The following MTTP variants were observed in gnomAD, a reference collection of about 807,000 sequenced individuals.
MTTP encodes the protein microsomal triglyceride transfer protein.
A neutral mutation model predicts 90.6 loss-of-function variants in MTTP; 49 were observed. The ratio of observed to expected loss-of-function variants is 0.54; its 90% CI spans 0.43 to 0.69. The LOEUF is 0.69. Ranked by LOEUF, MTTP falls within the 30% of genes least tolerant of loss-of-function variation. The pLI, the probability that MTTP is intolerant of heterozygous loss-of-function variation, is 0.00. For synonymous variants in MTTP, 347 were observed against 384.2 expected (o/e 0.90, Z 1.13); for missense variants, 945 against 1,067.5 (o/e 0.89, Z 1.60).
intron 15 of MTTP, among the ~76,000 whole-genome samples, chr4:99,615,997 T>TC (rs1726089943): frequency 6.6e-6 from 1 of 151,138 alleles, no homozygotes; most frequent in Non-Finnish European, 1.5e-5. Context: ...TCTCTCTCTC[T>TC]TTTTTTTTCC....
chr4:99,600,571 G>A lies in MTTP; in HGVS notation c.1074G>A (p.Gln358=). The change falls in exon 9 of 18, where the codon CAG becomes CAA. Residue 358 remains glutamine (Q), a synonymous_variant. Transcript: ENST00000265517. The part of the protein sequence containing the change: ...LKMENKEVLP[Q]LVDAVTSAQT... ...ATTATGCCTTTTTTTATAGACCTCA[G>A]CTGGTGGATGCTGTCACCTCTGCTC... The A allele has an allele frequency of 1.2e-6, 2 of 1,613,508 alleles. No individual in the cohort carries two copies. Among genetic ancestry groups the A allele is most frequent in the Non-Finnish European group, 1.7e-6 (2 of 1,179,628 alleles).
chr4:99,575,570 A>G (rs1172600059), intron 1 of MTTP, among the ~76,000 whole-genome samples: 6 of 152,232 alleles, frequency 3.9e-5, no homozygotes, highest in Non-Finnish European at 8.8e-5. Flanking sequence ...TCTTTGGAAA[A>G]ATAATGTTGC....
chr4:99,617,511 T>A (rs1369173117), intron 15 of MTTP, among the ~76,000 whole-genome samples: 1 of 152,162 alleles, frequency 6.6e-6, no homozygotes, highest in Non-Finnish European at 1.5e-5. Flanking sequence ...AATGCATGGC[T>A]TGTTTGGTCT....
At chr4:99,609,811 G>A (rs954076159) in intron 12 of MTTP, among the ~76,000 whole-genome samples, 1 of 152,198 alleles carries the variant, frequency 6.6e-6, no homozygotes, top group Non-Finnish European at 1.5e-5. Flanking sequence ...GAGCAATGGA[G>A]CAAGTGAGTG....
chr4:99,572,015 T>G (rs534808554), upstream of MTTP, among the ~76,000 whole-genome samples: 1 of 151,978 alleles, frequency 6.6e-6, no homozygotes, highest in African/African-American at 2.4e-5. Context: ...GTAATACATT[T>G]CCTTCCAACC....
intron 8 of MTTP, among the ~76,000 whole-genome samples, chr4:99,598,002 TAC>T (rs367751335): frequency 6.0e-5 from 9 of 150,946 alleles, no homozygotes; most frequent in Non-Finnish European, 7.4e-5. Context: ...TTAGCCAAGT[TAC>T]ACACACACAC....
At chr4:99,594,666 G>T in intron 6 of MTTP, 67 bp from the exon 7 acceptor site, 2 of 1,573,344 alleles carry the variant, frequency 1.3e-6, no homozygotes, top group East Asian at 2.2e-5. Flanking sequence ...CCAAAAGAAT[G>T]GCAATTAGTA....
chr4:99,592,998 G>A (rs1421064049), intron 6 of MTTP, among the ~76,000 whole-genome samples: 1 of 152,044 alleles, frequency 6.6e-6, no homozygotes, highest in Non-Finnish European at 1.5e-5. Context: ...TGTGATGATA[G>A]GACAGCTATG....
Position 99,611,438 on chromosome 4 carries a change from T to C in MTTP, c.1974T>C (p.Gly658=). ...LNIFQYIGKA[G]LHGSQVVIEA... ...TCTTTCAGTACATTGGGAAGGCTGG[T>C]CTTCACGGTAGCCAGGTAACTCACT... The change falls in exon 14 of 18, where the codon GGT becomes GGC. Residue 658 remains glycine, a synonymous_variant. Coordinates refer to ENST00000265517, the MANE Select transcript of MTTP (RefSeq NM_001386140.1). 6.2e-7 allele frequency: 1 copy of C among 1,614,090 alleles called. No individual in the cohort carries two copies. The highest frequency in any genetic ancestry group is 8.5e-7 in the Non-Finnish European group (1 of 1,179,938).
upstream of MTTP, among the ~76,000 whole-genome samples, chr4:99,573,644 G>T (rs561255567): frequency 7.2e-5 from 11 of 152,168 alleles, no homozygotes; most frequent in East Asian, 2.1e-3. Flanking sequence ...ATTTTAAATT[G>T]CATTGTGTCT....
intron 7 of MTTP, among the ~76,000 whole-genome samples, chr4:99,596,716 G>A (rs1348076483): frequency 6.6e-6 from 1 of 152,146 alleles, no homozygotes; most frequent in Non-Finnish European, 1.5e-5. Context: ...TTAAAGTTCT[G>A]CACAATTTAA....
chr4:99,622,214 GACC>G (rs1410492954), intron 17 of MTTP, among the ~76,000 whole-genome samples: 2 of 152,122 alleles, frequency 1.3e-5, no homozygotes, highest in East Asian at 3.9e-4. Flanking sequence ...GAAATGCAGT[GACC>G]ACCAACCCAC....
At chr4:99,601,877 AT>A (rs1403076579) in intron 10 of MTTP, among the ~76,000 whole-genome samples, 163 bp downstream of exon 10, 3 of 152,048 alleles carry the variant, frequency 2.0e-5, no homozygotes, top group African/African-American at 7.2e-5. Flanking sequence ...AAATTCAGTC[AT>A]TTATTATGTT....
At chr4:99,577,619 A>AG (rs1725000125) in intron 1 of MTTP, among the ~76,000 whole-genome samples, 1 of 135,108 alleles carries the variant, frequency 7.4e-6, no homozygotes, top group Admixed American at 7.4e-5. Flanking sequence ...AAAAAAAAAA[A>AG]AAAGAAAGAA....
chr4:99,606,633 T>C (rs1468564744), intron 10 of MTTP, 115 bp from the exon 11 acceptor site: 1 of 1,008,644 alleles, frequency 9.9e-7, no homozygotes, highest in Non-Finnish European at 1.6e-6. Flanking sequence ...AAGCAACCAA[T>C]GCAAAACTTT....
chr4:99,565,879 AGCTGTGGATAGAAT>A (rs1724679227), intron 1 of MTTP, among the ~76,000 whole-genome samples: 1 of 152,224 alleles, frequency 6.6e-6, no homozygotes, highest in Non-Finnish European at 1.5e-5. Context: ...ATGACTGAAA[AGCTGTGGATAGAAT>A]GAGGAAGAAG....
At chr4:99,609,623 C>T (rs746903276) in intron 12 of MTTP, among the ~76,000 whole-genome samples, 1 of 151,356 alleles carries the variant, frequency 6.6e-6, no homozygotes, top group African/African-American at 2.4e-5. Context: ...ACTACCCCCA[C>T]GAAAGATCAG....
chr4:99,618,966 T>G lies in MTTP; in HGVS notation c.2218-8T>G, dbSNP rs1298892602. 2.5e-6 allele frequency: 4 copies of G among 1,610,876 alleles called. No individual in the cohort carries two copies. The highest frequency in any genetic ancestry group is 2.5e-6 in the Non-Finnish European group (3 of 1,177,446). ...TTTTATAACTATTATTATGCTTTTT[T>G]CTTCTAGGAACTTCAGTTACAATCT... On this transcript the variant is annotated splice_polypyrimidine_tract_variant and splice_region_variant and intron_variant, in intron 15 of 17. Coordinates refer to ENST00000265517, the MANE Select transcript of MTTP (RefSeq NM_001386140.1).
In MTTP at chr4:99,622,574, G is replaced by T. The variant is rs1177742411; in HGVS notation, c.2514-103G>T. 14 of 1,241,904 alleles carry T rather than the reference G, an allele frequency of 1.1e-5. No individual in the cohort carries two copies. The Admixed American group carries it at 1.9e-4, about 17-fold the overall frequency. 76.9% of individuals were successfully genotyped at this position (1,241,904 alleles called of 1,614,324 possible). A position where few individuals can be genotyped will look rare whatever the true frequency, so the allele number is the denominator to read the frequency against. On this transcript the variant is annotated intron_variant, in intron 17 of 17. Coordinates refer to ENST00000265517, the MANE Select transcript of MTTP (RefSeq NM_001386140.1). ...TGACACTCATATCCTTTCTCAGATTGCTTTGGAACAGAAACTTCAAGTACA... is the reference window on the plus strand; with the variant it reads ...TGACACTCATATCCTTTCTCAGATTTCTTTGGAACAGAAACTTCAAGTACA...
Sources: allele counts gnomAD v4.1 joint callset (sites outside exome capture counted in the v4.1 genomes callset), GRCh38; gene constraint gnomAD v4.1.1; transcripts MANE v1.5; gene names NCBI Gene and HGNC (gene_info 2026-07-23, HGNC 2026-07-21).